CBFA2T3: variants seen among roughly 807,000 people sequenced by gnomAD.
CBFA2T3 encodes the protein CBFA2/RUNX1 partner transcriptional co-repressor 3.
CBFA2T3 carries 31 observed loss-of-function variants against 58.6 expected under a neutral mutation model. The observed-to-expected ratio is 0.53, with a 90% CI of 0.40 to 0.71. CBFA2T3 has a LOEUF of 0.71. Among genes scored for constraint, CBFA2T3 ranks in the 30% least tolerant of loss-of-function variants. CBFA2T3 has a pLI of 0.00. For synonymous variants in CBFA2T3, 531 were observed against 421.9 expected (o/e 1.26, Z -3.17); for missense variants, 1,076 against 963.1 (o/e 1.12, Z -1.55).
chr16:88,907,708 CCT>C, intron 1 of CBFA2T3, among the ~76,000 whole-genome samples: 1 of 152,320 alleles, frequency 6.6e-6, no homozygotes, highest in East Asian at 1.9e-4. Flanking sequence ...TCCTGGCCTC[CCT>C]CTGTGGCTTG....
rs1730286362 is a variant in CBFA2T3, at chr16:88,877,169, T to C, written c.1769A>G (p.His590Arg). ...GCCCTGCAGGCTCTGGCCACACACG[T>C]GGTGATGCTTCTCCCAGTCCCGATG... ...CQHRDWEKHH[H>R]VCGQSLQGPT... is the part of the protein sequence containing the mutation. Residue 590 changes from histidine to arginine, a missense_variant, in exon 12 of 12, where the codon CAC becomes CGC. Coordinates refer to ENST00000268679, the MANE Select transcript of CBFA2T3 (RefSeq NM_005187.6). The C allele has an allele frequency of 2.6e-6, 4 of 1,552,348 alleles. No individual in the cohort carries two copies. The highest frequency in any genetic ancestry group is 3.5e-6 in the Non-Finnish European group (4 of 1,148,550).
rs556439721 is a variant in CBFA2T3 at position 88,960,445 on chromosome 16, A to C, written c.151+16212T>G. 1.1e-4 allele frequency among the ~76,000 whole-genome samples: 16 copies of C among 152,328 alleles called. No homozygotes were observed. In the South Asian group the frequency reaches 3.3e-3, roughly 32 times the overall value. On this transcript the variant is annotated intron_variant, in intron 1 of 11. Coordinates refer to ENST00000268679, the MANE Select transcript of CBFA2T3 (RefSeq NM_005187.6). ...AGGCCCTCGGGAGTGTCACATTTGA[A>C]CACTATTGATTTGTGGACTGGAACC... is the stretch of plus-strand genomic sequence containing the variant.
At chr16:88,927,114 GTC>G (rs1340941318) in intron 1 of CBFA2T3, among the ~76,000 whole-genome samples, 1 of 152,188 alleles carries the variant, frequency 6.6e-6, no homozygotes, top group East Asian at 1.9e-4. Context: ...CCTTCACTCT[GTC>G]TCTGCCAGAC....
chr16:88,897,261 G>C lies in CBFA2T3; in HGVS notation c.379+817C>G, dbSNP rs183419413. Among the ~76,000 whole-genome samples the C allele has an allele frequency of 2.4e-4, 37 of 152,346 alleles. No homozygotes were observed. The East Asian group carries it at 6.4e-3, about 26-fold the overall frequency. On this transcript the variant is annotated intron_variant, in intron 3 of 11. Transcript: ENST00000268679. The stretch of plus-strand genomic sequence containing the variant: ...TGGCCAGGCCCATCACAGAATAATG[G>C]CTGTGAAAAGGACAGCCCTGTGCAA...
intron 1 of CBFA2T3, among the ~76,000 whole-genome samples, chr16:88,971,245 G>C (rs1972649027): frequency 6.6e-6 from 1 of 152,172 alleles, no homozygotes; most frequent in Non-Finnish European, 1.5e-5. Context: ...GAGTAGCTGG[G>C]ATTACAAGCA....
At chr16:88,967,327 G>A (rs544661366) in intron 1 of CBFA2T3, among the ~76,000 whole-genome samples, 7 of 152,244 alleles carry the variant, frequency 4.6e-5, no homozygotes, top group Non-Finnish European at 7.3e-5. Flanking sequence ...ATGAGAATTC[G>A]ATGCCTTTTC....
chr16:88,878,574 G>A (rs568639749), intron 11 of CBFA2T3, among the ~76,000 whole-genome samples: 1 of 152,360 alleles, frequency 6.6e-6, no homozygotes, highest in South Asian at 2.1e-4. Context: ...GTGTGCACCG[G>A]GAGGGAGCCG....
At chr16:88,909,072 G>A (rs1235168981) in intron 1 of CBFA2T3, among the ~76,000 whole-genome samples, 1 of 152,202 alleles carries the variant, frequency 6.6e-6, no homozygotes, top group Non-Finnish European at 1.5e-5. Flanking sequence ...GGCAGGGGAG[G>A]AGGAGGGCAT....
At chr16:88,917,815 AGT>A (rs1168665724) in intron 1 of CBFA2T3, among the ~76,000 whole-genome samples, 2 of 152,096 alleles carry the variant, frequency 1.3e-5, no homozygotes, top group Admixed American at 1.3e-4. Flanking sequence ...TGCAGACGAG[AGT>A]GTGCGTGAAG....
intron 3 of CBFA2T3, among the ~76,000 whole-genome samples, chr16:88,897,393 A>C (rs948238489): frequency 6.6e-6 from 1 of 152,212 alleles, no homozygotes; most frequent in African/African-American, 2.4e-5. Context: ...GATGGACCGG[A>C]GTCTGTCTGA....
intron 3 of CBFA2T3, among the ~76,000 whole-genome samples, chr16:88,895,981 T>C (rs1017490235): frequency 1.3e-5 from 2 of 152,188 alleles, no homozygotes; most frequent in African/African-American, 4.8e-5. Context: ...AGTGACCTCC[T>C]TTGTACTGTG....
At chr16:88,888,549 G>GGGAAGGGTGCA in intron 5 of CBFA2T3, among the ~76,000 whole-genome samples, 1 of 408 alleles carries the variant, frequency 2.5e-3, no homozygotes, top group African/African-American at 9.6e-3. Context: ...GGTGGGGTGG[G>GGGAAGGGTGCA]GGTGGGGTAG....
At chr16:88,903,361 G>A (rs1015624849) in intron 1 of CBFA2T3, among the ~76,000 whole-genome samples, 50 of 152,322 alleles carry the variant, frequency 3.3e-4, no homozygotes, top group African/African-American at 1.2e-3. Flanking sequence ...AGGCAGGAGT[G>A]GAGCAGTCCC....
intron 1 of CBFA2T3, among the ~76,000 whole-genome samples, chr16:88,965,922 G>C (rs927275197): frequency 1.3e-5 from 2 of 152,238 alleles, no homozygotes; most frequent in African/African-American, 4.8e-5. Context: ...CTTGGCACCT[G>C]ACAGGTCCTC....
intron 1 of CBFA2T3, among the ~76,000 whole-genome samples, chr16:88,923,886 G>A (rs1971002962): frequency 6.6e-6 from 1 of 152,234 alleles, no homozygotes; most frequent in African/African-American, 2.4e-5. Context: ...CCCAGTCAAA[G>A]GTGAGAGGCC....
In CBFA2T3 at chr16:88,880,795, C is replaced by G; in HGVS notation, c.1403-7G>C. ...AGGAACTCGCGAGGCACGTCTGAAACAGGGGCCGGCGTCACACAGGATGGG... is the reference window on the plus strand; with the variant it reads ...AGGAACTCGCGAGGCACGTCTGAAAGAGGGGCCGGCGTCACACAGGATGGG... On this transcript the variant is annotated splice_polypyrimidine_tract_variant and splice_region_variant and intron_variant, in intron 9 of 11. Transcript: ENST00000268679. The G allele has an allele frequency of 6.3e-7, 1 of 1,576,524 alleles. No individual in the cohort carries two copies. The highest frequency in any genetic ancestry group is 2.3e-5 in the East Asian group (1 of 42,820).
At chr16:88,904,215 G>C (rs1970214501) in intron 1 of CBFA2T3, among the ~76,000 whole-genome samples, 1 of 152,138 alleles carries the variant, frequency 6.6e-6, no homozygotes, top group African/African-American at 2.4e-5. Flanking sequence ...GTTCCCTTTG[G>C]GCAGAACAGG....
intron 1 of CBFA2T3, among the ~76,000 whole-genome samples, chr16:88,945,198 AT>A (rs1471046107): frequency 6.6e-6 from 1 of 152,254 alleles, no homozygotes; most frequent in Non-Finnish European, 1.5e-5. Flanking sequence ...TTCATTAAAA[AT>A]ATCTGAATAA....
At chr16:88,893,885 G>C (rs913752973) in intron 3 of CBFA2T3, among the ~76,000 whole-genome samples, 3 of 152,178 alleles carry the variant, frequency 2.0e-5, no homozygotes, top group Admixed American at 1.3e-4. Flanking sequence ...AGGAGCCTGA[G>C]GGGCGGCCTC....
Sources: gnomAD v4.1 joint callset for allele counts (sites outside exome capture counted in the v4.1 genomes callset) on GRCh38, gnomAD v4.1.1 for gene constraint, MANE v1.5 for transcripts, NCBI Gene and HGNC (gene_info 2026-07-23, HGNC 2026-07-21) for gene names.